GHR: variants seen among roughly 807,000 people sequenced by gnomAD.
GHR encodes growth hormone receptor.
In GHR, 35 loss-of-function variants were observed where a neutral mutation model predicts 67.1. The ratio of observed to expected loss-of-function variants is 0.52; its 90% CI spans 0.40 to 0.69. The LOEUF is 0.69. GHR is among the 30% of genes least tolerant of loss of function. GHR has a pLI of 0.00. For missense variants in GHR, 792 were observed against 764.6 expected (o/e 1.04, Z -0.42); for synonymous variants, 272 against 269.1 (o/e 1.01, Z -0.10).
chr5:42,574,650 A>G (rs1401926032), intron 2 of GHR, among the ~76,000 whole-genome samples: 1 of 152,228 alleles, frequency 6.6e-6, no homozygotes, highest in Non-Finnish European at 1.5e-5. Flanking sequence ...TTGATTGCTA[A>G]AAATATATGT....
intron 2 of GHR, among the ~76,000 whole-genome samples, chr5:42,593,315 A>AT: frequency 6.6e-6 from 1 of 152,154 alleles, no homozygotes; most frequent in East Asian, 1.9e-4. Flanking sequence ...TTTTTGTTTT[A>AT]TTTTGCTTTC....
At position 42,581,281 on chromosome 5, in the gene GHR, T is replaced by G. The variant is rs191730203; in HGVS notation, c.70+15337T>G. Among the ~76,000 whole-genome samples, 441 of 152,324 alleles carry G rather than the reference T, an allele frequency of 2.9e-3. 13 individuals are homozygous for G. Among genetic ancestry groups the G allele is most frequent in the Admixed American group, 0.027 (420 of 15,300 alleles). On this transcript the variant is annotated intron_variant, in intron 2 of 9. Transcript: ENST00000230882. ...TAAGGCAGCCTCACTGGAACTTGCTTTTCCAACTGTCAGTGGAGTTTTAGA... is the reference window on the plus strand; with the variant it reads ...TAAGGCAGCCTCACTGGAACTTGCTGTTCCAACTGTCAGTGGAGTTTTAGA...
At chr5:42,485,809 G>A (rs1745853383) in intron 1 of GHR, among the ~76,000 whole-genome samples, 1 of 152,142 alleles carries the variant, frequency 6.6e-6, no homozygotes, top group South Asian at 2.1e-4. Flanking sequence ...ACTTAATTTG[G>A]AAAGATATGT....
At chr5:42,704,858 G>A (rs1758100708) in intron 6 of GHR, among the ~76,000 whole-genome samples, 1 of 151,856 alleles carries the variant, frequency 6.6e-6, no homozygotes, top group Non-Finnish European at 1.5e-5. Context: ...TGGTTGTAAT[G>A]TCTCCTCCTT....
At chr5:42,444,839 C>T (rs1285103565) in intron 1 of GHR, among the ~76,000 whole-genome samples, 1 of 152,082 alleles carries the variant, frequency 6.6e-6, no homozygotes, top group Non-Finnish European at 1.5e-5. Context: ...ATGATCCTTC[C>T]CCTTTCCAGC....
At chr5:42,448,093 CCTT>C (rs1336864897) in intron 1 of GHR, among the ~76,000 whole-genome samples, 1 of 152,008 alleles carries the variant, frequency 6.6e-6, no homozygotes, top group Non-Finnish European at 1.5e-5. Context: ...GACTTCTTTT[CCTT>C]CGAGTAGATA....
chr5:42,562,449 C>T (rs1223279622), intron 1 of GHR, among the ~76,000 whole-genome samples: 1 of 152,118 alleles, frequency 6.6e-6, no homozygotes, highest in Non-Finnish European at 1.5e-5. Flanking sequence ...GGTCCCTATG[C>T]AGTGTTCCAG....
chr5:42,658,625 T>C (rs1278367924), intron 3 of GHR, among the ~76,000 whole-genome samples: 3 of 152,174 alleles, frequency 2.0e-5, no homozygotes, highest in African/African-American at 4.8e-5. Context: ...CATACCATAG[T>C]GGTTCTCATC....
chr5:42,564,267 AAAGTGTGAGATTTATTTGAAAT>A (rs1749802853), intron 1 of GHR, among the ~76,000 whole-genome samples: 1 of 125,208 alleles, frequency 8.0e-6, no homozygotes, highest in South Asian at 2.4e-4. Context: ...GAAATCTCAC[AAAGTGTGAGATTTATTTGAAAT>A]CTCACAAAGT....
intron 1 of GHR, among the ~76,000 whole-genome samples, chr5:42,486,715 C>T (rs1579800842): frequency 6.6e-6 from 1 of 151,920 alleles, no homozygotes; most frequent in Non-Finnish European, 1.5e-5. Context: ...GGCGTCGTGG[C>T]GGGCACCTGT....
Position 42,545,326 on chromosome 5 carries a change from T to C in GHR, c.-11-20538T>C, listed in dbSNP as rs1490600765. ...TTTCCTAGAAAATGTGGCAATATAA[T>C]TGGCAGGTACTTGAGAGTCTTTAAT... On this transcript the variant is annotated intron_variant, in intron 1 of 9. Transcript: ENST00000230882. Among the ~76,000 whole-genome samples the C allele has an allele frequency of 2.0e-5, 3 of 152,150 alleles. No homozygotes were observed. In the East Asian group the frequency reaches 5.8e-4, roughly 29 times the overall value.
rs1160384219 is a variant in GHR, at chr5:42,719,389, G to A, written c.1882G>A (p.Val628Met). ...DKEFLSSCGY[V>M]STDQLNKIMP ...AGAGTTTCTCTCATCATGTGGCTAT[G>A]TGAGCACAGACCAACTGAACAAAAT... Residue 628 changes from valine to methionine, a missense_variant, in exon 10 of 10, where the codon GTG (valine) becomes ATG (methionine). Transcript: ENST00000230882. The A allele has an allele frequency of 1.2e-6, 2 of 1,613,762 alleles. No individual in the cohort carries two copies. The highest frequency in any genetic ancestry group is 1.7e-6 in the Non-Finnish European group (2 of 1,179,942).
At chr5:42,607,226 T>C (rs1294940318) in intron 2 of GHR, among the ~76,000 whole-genome samples, 1 of 152,162 alleles carries the variant, frequency 6.6e-6, no homozygotes, top group Non-Finnish European at 1.5e-5. Context: ...CTTTCCTTTT[T>C]AAGTTACCCA....
At chr5:42,549,405 G>A (rs1748901088) in intron 1 of GHR, among the ~76,000 whole-genome samples, 1 of 152,212 alleles carries the variant, frequency 6.6e-6, no homozygotes, top group Non-Finnish European at 1.5e-5. Flanking sequence ...CCACAGGAGA[G>A]AGATGACAAT....
intron 2 of GHR, among the ~76,000 whole-genome samples, chr5:42,610,138 G>T (rs1323790888): frequency 6.6e-6 from 1 of 152,116 alleles, no homozygotes; most frequent in African/African-American, 2.4e-5. Flanking sequence ...GATATCACAA[G>T]AATATACAGG....
chr5:42,493,279 A>G (rs1426954829), intron 1 of GHR, among the ~76,000 whole-genome samples: 1 of 152,098 alleles, frequency 6.6e-6, no homozygotes, highest in Non-Finnish European at 1.5e-5. Flanking sequence ...TAGAATGGAG[A>G]AGGAGTTTGG....
intron 1 of GHR, among the ~76,000 whole-genome samples, chr5:42,524,659 G>A (rs752956851): frequency 6.6e-6 from 1 of 152,162 alleles, no homozygotes; most frequent in Admixed American, 6.5e-5. Context: ...ATGTCTCCAG[G>A]CCATGTCGGA....
chr5:42,538,610 C>T (rs78932774), intron 1 of GHR, among the ~76,000 whole-genome samples: 1 of 152,054 alleles, frequency 6.6e-6, no homozygotes, highest in Non-Finnish European at 1.5e-5. Flanking sequence ...TCTTAGAATT[C>T]TTTCTTTTGT....
intron 1 of GHR, among the ~76,000 whole-genome samples, chr5:42,476,760 G>A (rs1745342864): frequency 6.6e-6 from 1 of 152,136 alleles, no homozygotes; most frequent in Admixed American, 6.5e-5. Flanking sequence ...TTTATATGGT[G>A]TTTCAGGTGT....
Sources: allele counts gnomAD v4.1 joint callset (sites outside exome capture counted in the v4.1 genomes callset), GRCh38; gene constraint gnomAD v4.1.1; transcripts MANE v1.5; gene names NCBI Gene and HGNC (gene_info 2026-07-23, HGNC 2026-07-21).